The following CSMD1 variants were observed in gnomAD, a reference collection of about 807,000 sequenced individuals.
The protein encoded by CSMD1 is CUB and Sushi multiple domains 1.
CSMD1 carries 213 observed loss-of-function variants against 417.5 expected under a neutral mutation model. The observed-to-expected ratio is 0.51, with a 90% CI of 0.46 to 0.57. CSMD1 has a LOEUF of 0.57. CSMD1 is among the 20% of genes least tolerant of loss of function. The pLI, the probability that CSMD1 is intolerant of heterozygous loss-of-function variation, is 0.00. For synonymous variants in CSMD1, 2,862 were observed against 1,736.8 expected (o/e 1.65, Z -16.11); for missense variants, 6,923 against 4,529.7 (o/e 1.53, Z -15.17).
intron 10 of CSMD1, among the ~76,000 whole-genome samples, chr8:3,560,103 G>T (rs1799405925): frequency 6.6e-6 from 1 of 152,144 alleles, no homozygotes; most frequent in Non-Finnish European, 1.5e-5. Context: ...AGAGATTCCA[G>T]GACCCATTCG....
At chr8:4,424,922 C>T (rs1014098371) in intron 2 of CSMD1, among the ~76,000 whole-genome samples, 2 of 151,904 alleles carry the variant, frequency 1.3e-5, no homozygotes, top group Non-Finnish European at 2.9e-5. Flanking sequence ...TAATTAAATA[C>T]ATTGGAAAGG....
intron 1 of CSMD1, among the ~76,000 whole-genome samples, chr8:4,781,382 T>C (rs574277124): frequency 2.4e-4 from 37 of 152,228 alleles, no homozygotes; most frequent in Non-Finnish European, 2.4e-4. Context: ...CTCTTCTCTA[T>C]AGTCATTTAT....
chr8:4,032,304 A>C (rs1014112140), intron 3 of CSMD1, among the ~76,000 whole-genome samples: 2 of 152,228 alleles, frequency 1.3e-5, no homozygotes, highest in African/African-American at 4.8e-5. Flanking sequence ...TATAAACATC[A>C]TAAAGTGTAA....
At chr8:3,701,922 G>T (rs1258055057) in intron 7 of CSMD1, among the ~76,000 whole-genome samples, 1 of 152,226 alleles carries the variant, frequency 6.6e-6, no homozygotes, top group Admixed American at 6.5e-5. Context: ...TTCATTAACT[G>T]AACTGTCTCT....
At chr8:4,949,855 A>T (rs1452490696) in intron 1 of CSMD1, among the ~76,000 whole-genome samples, 1 of 152,234 alleles carries the variant, frequency 6.6e-6, no homozygotes, top group Admixed American at 6.5e-5. Flanking sequence ...GAGAATATAT[A>T]AGGTTAGTTC....
chr8:3,197,591 G>T (rs915012870), intron 33 of CSMD1, among the ~76,000 whole-genome samples: 1 of 150,850 alleles, frequency 6.6e-6, no homozygotes, highest in Non-Finnish European at 1.5e-5. Flanking sequence ...TCAGCCTCCC[G>T]AGTAGCTGGG....
At chr8:3,258,821 C>G (rs2117076295) in intron 26 of CSMD1, among the ~76,000 whole-genome samples, 1 of 152,298 alleles carries the variant, frequency 6.6e-6, no homozygotes, top group Middle Eastern at 3.4e-3. Flanking sequence ...GGCCATTATT[C>G]TTAGCAAACA....
At chr8:3,142,137 G>A (rs145698805) in intron 41 of CSMD1, among the ~76,000 whole-genome samples, 131 of 152,254 alleles carry the variant, frequency 8.6e-4, no homozygotes, top group African/African-American at 3.0e-3. Flanking sequence ...GAATGCTGGG[G>A]AGACTGAATT....
chr8:4,079,797 G>C (rs758414262), intron 3 of CSMD1, among the ~76,000 whole-genome samples: 1 of 152,082 alleles, frequency 6.6e-6, no homozygotes, highest in Non-Finnish European at 1.5e-5. Context: ...CATCAGGTTA[G>C]TAGCAGGGAG....
rs543287311 is a variant in CSMD1, at chr8:3,826,489, G to T, written c.819-72447C>A. Among the ~76,000 whole-genome samples the T allele has an allele frequency of 1.3e-4, 20 of 152,232 alleles. No individual in the cohort carries two copies. In the South Asian group the frequency reaches 3.9e-3, roughly 30 times the overall value. ...CACCTTTACATCTCCTAGGCAGGGG[G>T]ACCATGAAAGCTCTTCTAGAACCAC... On this transcript the variant is annotated intron_variant, in intron 5 of 69. Coordinates refer to ENST00000635120, the MANE Select transcript of CSMD1 (RefSeq NM_033225.6).
intron 2 of CSMD1, among the ~76,000 whole-genome samples, chr8:4,447,382 C>G (rs1003330722): frequency 6.6e-6 from 1 of 152,278 alleles, no homozygotes; most frequent in African/African-American, 2.4e-5. Context: ...TCCCTTTCAG[C>G]TCCTTGAATG....
At chr8:3,249,091 A>G (rs185580791) in intron 26 of CSMD1, among the ~76,000 whole-genome samples, 519 of 152,326 alleles carry the variant, frequency 3.4e-3, no homozygotes, top group Non-Finnish European at 6.1e-3. Flanking sequence ...TGTTTGTCGA[A>G]TGAAGTGTTT....
intron 23 of CSMD1, among the ~76,000 whole-genome samples, chr8:3,312,209 C>A (rs1485160011): frequency 6.6e-6 from 1 of 152,084 alleles, no homozygotes; most frequent in Non-Finnish European, 1.5e-5. Flanking sequence ...ATCAATCATT[C>A]AATATCAAAA....
At chr8:4,341,992 C>G (rs910540713) in intron 3 of CSMD1, among the ~76,000 whole-genome samples, 2 of 152,100 alleles carry the variant, frequency 1.3e-5, no homozygotes, top group Non-Finnish European at 2.9e-5. Flanking sequence ...GGCCTTATTT[C>G]CACCATGCAG....
intron 4 of CSMD1, among the ~76,000 whole-genome samples, chr8:4,031,543 C>T (rs188495925): frequency 7.9e-5 from 12 of 152,264 alleles, no homozygotes; most frequent in African/African-American, 2.4e-4. Context: ...GTGGGAACTA[C>T]CGTTCAACAT....
chr8:3,276,643 C>A (rs1162817623), intron 26 of CSMD1, among the ~76,000 whole-genome samples: 1 of 152,098 alleles, frequency 6.6e-6, no homozygotes, highest in African/African-American at 2.4e-5. Flanking sequence ...GGGGACACAG[C>A]CAAACCGTAT....
chr8:3,170,968 T>C (rs1274048468), intron 37 of CSMD1, among the ~76,000 whole-genome samples: 2 of 152,172 alleles, frequency 1.3e-5, no homozygotes, highest in African/African-American at 2.4e-5. Flanking sequence ...GTTGAACCAC[T>C]GAAGGATTTT....
chr8:4,447,361 G>C (rs1201776122), intron 2 of CSMD1, among the ~76,000 whole-genome samples: 1 of 152,180 alleles, frequency 6.6e-6, no homozygotes, highest in South Asian at 2.1e-4. Context: ...CAAGTTAAGA[G>C]GAAATAGAAA....
chr8:3,711,019 C>T (rs761769888), intron 6 of CSMD1, among the ~76,000 whole-genome samples: 38 of 152,082 alleles, frequency 2.5e-4, no homozygotes, highest in Admixed American at 4.6e-4. Flanking sequence ...GTATCAAGAG[C>T]GGTGAGAAAC....
Sources: gnomAD v4.1 joint callset for allele counts (sites outside exome capture counted in the v4.1 genomes callset) on GRCh38, gnomAD v4.1.1 for gene constraint, MANE v1.5 for transcripts, NCBI Gene and HGNC (gene_info 2026-07-23, HGNC 2026-07-21) for gene names.